ABCA13: variants seen among roughly 807,000 people sequenced by gnomAD.
ABCA13 encodes ATP-binding cassette sub-family A member 13.
ABCA13 carries 476 observed loss-of-function variants against 478.7 expected under a neutral mutation model. That is an observed-to-expected ratio of 0.99 (90% CI 0.92 to 1.07). The LOEUF is 1.07. ABCA13 is among the 50% of genes least tolerant of loss of function. ABCA13 has a pLI of 0.00. For missense variants in ABCA13, 6,060 were observed against 5,910.6 expected (o/e 1.03, Z -0.83); for synonymous variants, 2,252 against 2,158.9 (o/e 1.04, Z -1.20).
chr7:48,389,402 G>A (rs1815698097), intron 37 of ABCA13, among the ~76,000 whole-genome samples, 182 bp downstream of exon 37: 1 of 152,160 alleles, frequency 6.6e-6, no homozygotes, highest in Non-Finnish European at 1.5e-5. Flanking sequence ...GAGGCCCTAT[G>A]TCTTCAACCG....
In ABCA13 at chr7:48,297,412, A is replaced by C. The variant is rs537162570; in HGVS notation, c.9199+101A>C. ...AAACATACAACAGAAAATTTATGCT[A>C]TATGTGATACATAATCATTTACAAC... On this transcript the variant is annotated intron_variant, in intron 22 of 61. Transcript: ENST00000435803. 3 of 1,136,984 alleles carry C rather than the reference A, an allele frequency of 2.6e-6. No individual in the cohort carries two copies. The Admixed American group carries it at 6.5e-5, about 25-fold the overall frequency. 70.4% of individuals were successfully genotyped at this position (1,136,984 alleles called of 1,614,324 possible).
At chr7:48,293,639 T>C (rs1798902574) in intron 20 of ABCA13, among the ~76,000 whole-genome samples, 1 of 152,230 alleles carries the variant, frequency 6.6e-6, no homozygotes, top group African/African-American at 2.4e-5. Flanking sequence ...AGATGTTATA[T>C]GTTTGTGGTG....
intron 31 of ABCA13, among the ~76,000 whole-genome samples, chr7:48,366,388 G>A (rs1339006759): frequency 6.6e-6 from 1 of 151,742 alleles, no homozygotes; most frequent in Non-Finnish European, 1.5e-5. Context: ...TCTCACTTTT[G>A]GTTAAGCTAG....
chr7:48,435,615 A>C (rs545015726), intron 42 of ABCA13, among the ~76,000 whole-genome samples: 1 of 151,860 alleles, frequency 6.6e-6, no homozygotes, highest in Admixed American at 6.6e-5. Flanking sequence ...AAACATTTTT[A>C]GTCTTTCAAT....
In ABCA13 at chr7:48,498,230, G is replaced by A. The variant is rs552784904; in HGVS notation, c.13292-8106G>A. Among the ~76,000 whole-genome samples the A allele has an allele frequency of 5.9e-5, 9 of 152,318 alleles. 1 individual carries two copies. Among genetic ancestry groups the A allele is most frequent in the Admixed American group, 4.6e-4 (7 of 15,296 alleles). ...GATGGTGGGGACAGTTTTGCTGGTG[G>A]TGTTTGCCTAGAGTAAGGCAGATAT... On this transcript the variant is annotated intron_variant, in intron 48 of 61. Transcript: ENST00000435803.
At chr7:48,425,548 C>T (rs910145233) in intron 41 of ABCA13, among the ~76,000 whole-genome samples, 1 of 152,146 alleles carries the variant, frequency 6.6e-6, no homozygotes, top group Non-Finnish European at 1.5e-5. Context: ...TAATAGTACT[C>T]ATCTCATCAG....
intron 8 of ABCA13, 164 bp downstream of exon 8, chr7:48,234,315 C>T: frequency 1.2e-6 from 1 of 840,572 alleles, no homozygotes; most frequent in Non-Finnish European, 2.0e-6. Flanking sequence ...CTACTGTCTC[C>T]AGCTTTTCTA....
chr7:48,400,944 C>T lies in ABCA13; in HGVS notation c.11874-2739C>T, dbSNP rs919771965. On this transcript the variant is annotated intron_variant, in intron 38 of 61. Transcript: ENST00000435803. ...AAAACAGACATAATAAGTAAAGGGG[C>T]TTGTTCTTGGGGAAGCCCCAGTCCA... is the stretch of plus-strand genomic sequence containing the variant. Among the ~76,000 whole-genome samples the T allele has an allele frequency of 3.3e-5, 5 of 152,334 alleles. No individual in the cohort carries two copies. In the East Asian group the frequency reaches 9.6e-4, roughly 29 times the overall value.
intron 59 of ABCA13, among the ~76,000 whole-genome samples, chr7:48,637,267 T>G (rs540091238): frequency 6.6e-6 from 1 of 151,044 alleles, no homozygotes; most frequent in African/African-American, 2.4e-5. Flanking sequence ...GTTTTCCTCC[T>G]CAGGTCTCAC....
In ABCA13 at chr7:48,273,101, C is replaced by T. The variant is rs1554400354; in HGVS notation, c.3435C>T (p.His1145=). The change falls in exon 17 of 62, where the codon CAC becomes CAT. Residue 1145 remains histidine (H), a synonymous_variant. Coordinates refer to ENST00000435803, the MANE Select transcript of ABCA13 (RefSeq NM_152701.5). ...VSVFNKFMSI[H]CTVSWLQMWT... Reference sequence around the variant, plus strand: ...TGTTCAACAAGTTTATGTCCATTCACTGTACCGTTTCATGGCTTCAAATGT... The same window carrying T: ...TGTTCAACAAGTTTATGTCCATTCATTGTACCGTTTCATGGCTTCAAATGT... The T allele has an allele frequency of 1.2e-6, 2 of 1,613,698 alleles. No homozygotes were observed. The highest frequency in any genetic ancestry group is 8.5e-7 in the Non-Finnish European group (1 of 1,179,758).
chr7:48,219,883 AACACAC>A (rs3065570), intron 4 of ABCA13, among the ~76,000 whole-genome samples: 34,161 of 126,458 alleles, frequency 0.27, 4,422 homozygotes, highest in Non-Finnish European at 0.34. Context: ...ACCTTCCCCA[AACACAC>A]ACACACACAC....
chr7:48,501,992 A>G (rs758287296), intron 48 of ABCA13, among the ~76,000 whole-genome samples: 1 of 152,190 alleles, frequency 6.6e-6, no homozygotes, highest in Admixed American at 6.5e-5. Flanking sequence ...CTGGAACACA[A>G]GGGCCTGTCC....
chr7:48,275,541 C>G lies in ABCA13; in HGVS notation c.5875C>G (p.Leu1959Val), dbSNP rs1198309642. Residue 1959 changes from leucine to valine, a missense_variant, in exon 17 of 62, where the codon CTT (leucine) becomes GTT (valine). Leu to Val is a conservative substitution (Grantham distance 32). Coordinates refer to ENST00000435803, the MANE Select transcript of ABCA13 (RefSeq NM_152701.5). Reference sequence around the variant, plus strand: ...AGTTGCTTTGCAAATCATAGAAAAACTTAAAAATGTCAACTTTACAAAAGT... The same window carrying G: ...AGTTGCTTTGCAAATCATAGAAAAAGTTAAAAATGTCAACTTTACAAAAGT... ...KQVALQIIEK[L>V]KNVNFTKVTS... is the part of the protein sequence containing the mutation. 6.2e-7 allele frequency: 1 copy of G among 1,613,672 alleles called. No individual in the cohort carries two copies. The highest frequency in any genetic ancestry group is 8.5e-7 in the Non-Finnish European group (1 of 1,179,838).
chr7:48,239,327 T>G lies in ABCA13; in HGVS notation c.984T>G (p.Val328=), dbSNP rs1179875732. ...ATGAAGCTGAGAAATGGGGCCACGTTGGAGGCTGCCACCCTAAGTGGTCAG... is the reference window on the plus strand; with the variant it reads ...ATGAAGCTGAGAAATGGGGCCACGTGGGAGGCTGCCACCCTAAGTGGTCAG... ...SEDEAEKWGH[V]GGCHPKWSEA... is the part of the protein sequence containing the mutation. The change falls in exon 9 of 62, where the codon GTT becomes GTG. Residue 328 remains valine (V), a synonymous_variant. Coordinates refer to ENST00000435803, the MANE Select transcript of ABCA13 (RefSeq NM_152701.5). 1 of 1,613,978 alleles carries G rather than the reference T, an allele frequency of 6.2e-7. No homozygotes were observed. Among genetic ancestry groups the G allele is most frequent in the South Asian group, 1.1e-5 (1 of 91,072 alleles).
Position 48,254,560 on chromosome 7 carries a change from T to C in ABCA13, c.2005+5209T>C, listed in dbSNP as rs960911048. Reference sequence around the variant, plus strand: ...ACTCTACATAAATCTTTTTATTAAATGCATTTCAGACATTATATGTAGAGA... The same window carrying C: ...ACTCTACATAAATCTTTTTATTAAACGCATTTCAGACATTATATGTAGAGA... On this transcript the variant is annotated intron_variant, in intron 15 of 61. Transcript: ENST00000435803. Among the ~76,000 whole-genome samples the C allele has an allele frequency of 3.3e-5, 5 of 152,270 alleles. No individual in the cohort carries two copies. In the East Asian group the frequency reaches 7.7e-4, roughly 23 times the overall value.
At chr7:48,436,582 T>G (rs1822863793) in intron 42 of ABCA13, among the ~76,000 whole-genome samples, 1 of 151,866 alleles carries the variant, frequency 6.6e-6, no homozygotes, top group South Asian at 2.1e-4. Flanking sequence ...TTTTTCTTCT[T>G]TTCTTATTTT....
intron 1 of ABCA13, among the ~76,000 whole-genome samples, chr7:48,181,324 T>C (rs1404548491): frequency 1.3e-5 from 2 of 152,202 alleles, no homozygotes; most frequent in African/African-American, 4.8e-5. Flanking sequence ...AGTATTTCTT[T>C]GGTTAGTTAT....
At position 48,273,705 on chromosome 7, in the gene ABCA13, G is replaced by C. The variant is rs750313277; in HGVS notation, c.4039G>C (p.Ala1347Pro). The change falls in exon 17 of 62, where the codon GCT becomes CCT. Residue 1347 changes from alanine (A) to proline (P), a missense_variant. Ala to Pro is a conservative substitution (Grantham distance 27, BLOSUM62 -1). Transcript: ENST00000435803. ...ACATGATCGAGATTTGTTTTCCTGTGCTGATATTTTCCAAAATGTTACTGA... is the reference window on the plus strand; with the variant it reads ...ACATGATCGAGATTTGTTTTCCTGTCCTGATATTTTCCAAAATGTTACTGA... ...VSHDRDLFSCADIFQNVTECI... is the reference protein window; with the variant it reads ...VSHDRDLFSCPDIFQNVTECI... The C allele has an allele frequency of 6.8e-6, 11 of 1,608,190 alleles. No individual in the cohort carries two copies. The highest frequency in any genetic ancestry group is 5.9e-6 in the Non-Finnish European group (7 of 1,176,902).
At chr7:48,251,336 T>C (rs1308655809) in intron 15 of ABCA13, among the ~76,000 whole-genome samples, 1 of 152,258 alleles carries the variant, frequency 6.6e-6, no homozygotes, top group Non-Finnish European at 1.5e-5. Context: ...ATGATACTGA[T>C]AATTGCAAAT....
Sources: allele counts gnomAD v4.1 joint callset (sites outside exome capture counted in the v4.1 genomes callset), GRCh38; gene constraint gnomAD v4.1.1; transcripts MANE v1.5; gene names NCBI Gene and HGNC (gene_info 2026-07-23, HGNC 2026-07-21).